The following ROR2 variants were observed in gnomAD, a reference collection of about 807,000 sequenced individuals.
The protein encoded by ROR2 is tyrosine-protein kinase transmembrane receptor ROR2.
ROR2 carries 33 observed loss-of-function variants against 74.9 expected under a neutral mutation model. The observed-to-expected ratio is 0.44, with a 90% confidence interval of 0.33 to 0.59. The LOEUF (loss-of-function observed/expected upper bound fraction) is 0.59. Ranked by LOEUF, ROR2 falls within the 20% of genes least tolerant of loss-of-function variation. The pLI is 0.02. For missense variants in ROR2, 1,216 were observed against 1,313.8 expected, an observed-to-expected ratio of 0.93 and a Z score of 1.15; for synonymous variants, 586 against 558.7, an observed-to-expected ratio of 1.05 and a Z score of -0.69.
intron 1 of ROR2, among the ~76,000 whole-genome samples, chr9:91,784,972 G>A (rs925924553): frequency 6.6e-6 from 1 of 152,146 alleles, no homozygotes; most frequent in South Asian, 2.1e-4. Context: ...TCATTAGGTG[G>A]ATGAATGAAT....
chr9:91,769,295 C>T (rs1184861851), intron 2 of ROR2, among the ~76,000 whole-genome samples: 1 of 152,160 alleles, frequency 6.6e-6, no homozygotes, highest in Non-Finnish European at 1.5e-5. Flanking sequence ...CCTCCCGTGT[C>T]CTCGTAAAAG....
chr9:91,928,879 G>T (rs1420843141), intron 1 of ROR2, among the ~76,000 whole-genome samples: 1 of 152,196 alleles, frequency 6.6e-6, no homozygotes, highest in African/African-American at 2.4e-5. Context: ...TACATCACTA[G>T]TTCAATAAAT....
At chr9:91,819,429 CTCTG>C (rs1352867398) in intron 1 of ROR2, among the ~76,000 whole-genome samples, 1 of 151,922 alleles carries the variant, frequency 6.6e-6, no homozygotes, top group Non-Finnish European at 1.5e-5. Context: ...GTCTGTTAGT[CTCTG>C]TGTGTGTTCT....
At chr9:91,838,404 C>T (rs1282265408) in intron 1 of ROR2, among the ~76,000 whole-genome samples, 1 of 152,220 alleles carries the variant, frequency 6.6e-6, no homozygotes, top group Non-Finnish European at 1.5e-5. Context: ...TGCAGCCCCT[C>T]CCCTCCTGGC....
At chr9:91,906,306 G>A (rs12340061) in intron 1 of ROR2, among the ~76,000 whole-genome samples, 21,327 of 152,164 alleles carry the variant, frequency 0.14, 3,290 homozygotes, top group African/African-American at 0.39. Context: ...CGTTCATAAG[G>A]AAAATTCTAC....
intron 1 of ROR2, among the ~76,000 whole-genome samples, chr9:91,786,620 T>C (rs1259502980): frequency 6.6e-6 from 1 of 152,120 alleles, no homozygotes; most frequent in Admixed American, 6.6e-5. Context: ...AGTGAGAGAC[T>C]CCACTTGTGG....
intron 1 of ROR2, among the ~76,000 whole-genome samples, chr9:91,785,506 T>C (rs1819543716): frequency 6.6e-6 from 1 of 152,272 alleles, no homozygotes; most frequent in Non-Finnish European, 1.5e-5. Flanking sequence ...ACCCCTGGAA[T>C]AGAGCCCAAG....
chr9:91,772,657 C>T (rs764714656), intron 2 of ROR2, among the ~76,000 whole-genome samples: 2 of 152,188 alleles, frequency 1.3e-5, no homozygotes, highest in African/African-American at 4.8e-5. Context: ...CTTTAGCGTC[C>T]GTGTTTCTGT....
At chr9:91,856,657 G>A (rs1587788995) in intron 1 of ROR2, among the ~76,000 whole-genome samples, 1 of 152,114 alleles carries the variant, frequency 6.6e-6, no homozygotes, top group African/African-American at 2.4e-5. Flanking sequence ...CTGACACCTT[G>A]ATCTCACACT....
At chr9:91,790,339 G>GA (rs879680288) in intron 1 of ROR2, among the ~76,000 whole-genome samples, 289 of 139,810 alleles carry the variant, frequency 2.1e-3, no homozygotes, top group South Asian at 3.7e-3. Context: ...CATCTCTACT[G>GA]AAAAAAAAAA....
chr9:91,755,584 G>A (rs1253140486), intron 4 of ROR2, among the ~76,000 whole-genome samples: 1 of 152,264 alleles, frequency 6.6e-6, no homozygotes, highest in East Asian at 1.9e-4. Context: ...AGCAGCTCGT[G>A]AAGGAGTGTG....
At chr9:91,852,344 A>T (rs10992132) in intron 1 of ROR2, among the ~76,000 whole-genome samples, 1 of 152,040 alleles carries the variant, frequency 6.6e-6, no homozygotes. Flanking sequence ...TAGCTTCCCC[A>T]CTTGGAGAAA....
chr9:91,845,986 TG>T (rs1047738396), intron 1 of ROR2, among the ~76,000 whole-genome samples: 5 of 150,232 alleles, frequency 3.3e-5, no homozygotes, highest in African/African-American at 1.2e-4. Context: ...GAGAAGCAGC[TG>T]GCAGAAGAAG....
intron 1 of ROR2, among the ~76,000 whole-genome samples, chr9:91,803,078 C>A (rs966106136): frequency 1.5e-4 from 23 of 152,134 alleles, no homozygotes; most frequent in Non-Finnish European, 7.4e-5. Flanking sequence ...GAACCCTGTG[C>A]ACTGCTGGTG....
intron 4 of ROR2, among the ~76,000 whole-genome samples, chr9:91,748,342 T>A (rs1210419950): frequency 6.6e-6 from 1 of 152,172 alleles, no homozygotes; most frequent in East Asian, 1.9e-4. Flanking sequence ...TGATGAGTTG[T>A]CAAGTGAGAC....
chr9:91,724,969 G>C lies in ROR2; in HGVS notation c.1525C>G (p.Leu509Val). Reference sequence around the variant, plus strand: ...AGGGGCCCCTCCGCTTTGTCCTTCAGCGTTTTGATGGCCACAGCCTGGGTC... The same window carrying C: ...AGGGGCCCCTCCGCTTTGTCCTTCACCGTTTTGATGGCCACAGCCTGGGTC... ...EQTQAVAIKT[L>V]KDKAEGPLRE... The change falls in exon 9 of 9, where the codon CTG (leucine) becomes GTG (valine). Residue 509 changes from leucine to valine, a missense_variant. Coordinates refer to ENST00000375708, the MANE Select transcript of ROR2 (RefSeq NM_004560.4). 1 of 1,613,724 alleles carries C rather than the reference G, an allele frequency of 6.2e-7. No individual in the cohort carries two copies. The highest frequency in any genetic ancestry group is 8.5e-7 in the Non-Finnish European group (1 of 1,180,028).
At chr9:91,835,345 T>C (rs767653668) in intron 1 of ROR2, among the ~76,000 whole-genome samples, 1 of 152,324 alleles carries the variant, frequency 6.6e-6, no homozygotes, top group Middle Eastern at 3.4e-3. Flanking sequence ...TAAGGAGACA[T>C]GTACAATTTC....
chr9:91,849,810 G>T (rs1829038706), intron 1 of ROR2, among the ~76,000 whole-genome samples: 1 of 152,204 alleles, frequency 6.6e-6, no homozygotes, highest in African/African-American at 2.4e-5. Flanking sequence ...TCCTCTGCCT[G>T]TAGGAATATC....
intron 1 of ROR2, among the ~76,000 whole-genome samples, chr9:91,909,893 T>C (rs7875069): frequency 0.074 from 10,249 of 138,616 alleles, 786 homozygotes; most frequent in African/African-American, 0.18. Context: ...ATCAGAGTCT[T>C]GCTCTGTGGC....
Sources: gnomAD v4.1 joint callset for allele counts (sites outside exome capture counted in the v4.1 genomes callset) on GRCh38, gnomAD v4.1.1 for gene constraint, MANE v1.5 for transcripts, NCBI Gene and HGNC (gene_info 2026-07-23, HGNC 2026-07-21) for gene names.